GPAT4: variants seen among roughly 807,000 people sequenced by gnomAD.
GPAT4 encodes the protein glycerol-3-phosphate acyltransferase 4, also known as 1-AGP acyltransferase 6.
Under a neutral mutation model 58.0 loss-of-function variants are expected in GPAT4, and 17 were observed. That is an observed-to-expected ratio of 0.29 (90% confidence interval 0.20 to 0.44). The LOEUF is 0.44. GPAT4 is among the 20% of genes least tolerant of loss of function. The pLI is 1.00. For missense variants in GPAT4, 377 were observed against 574.5 expected, an observed-to-expected ratio of 0.66 and a Z score of 3.51; for synonymous variants, 204 against 210.1, an observed-to-expected ratio of 0.97 and a Z score of 0.25.
intron 10 of GPAT4, among the ~76,000 whole-genome samples, chr8:41,615,730 A>C (rs1447325690): frequency 6.6e-6 from 1 of 152,178 alleles, no homozygotes; most frequent in Admixed American, 6.5e-5. Flanking sequence ...GGCCATCCTC[A>C]GTGTGGTTAA....
intron 2 of GPAT4, among the ~76,000 whole-genome samples, chr8:41,602,107 A>G (rs1019310304): frequency 1.3e-5 from 2 of 152,178 alleles, no homozygotes; most frequent in Non-Finnish European, 2.9e-5. Flanking sequence ...GGCGCGTGCC[A>G]TCACACCCGG....
intron 2 of GPAT4, among the ~76,000 whole-genome samples, chr8:41,602,504 A>G (rs11985557): frequency 6.6e-6 from 1 of 151,700 alleles, no homozygotes; most frequent in Non-Finnish European, 1.5e-5. Flanking sequence ...GTGCTCCGGA[A>G]GAGTGCTGGT....
rs1803387443 is a variant in GPAT4 at position 41,609,755 on chromosome 8, C to G, written c.336C>G (p.Leu112=). 6.2e-7 allele frequency: 1 copy of G among 1,613,986 alleles called. No individual in the cohort carries two copies. The highest frequency in any genetic ancestry group is 8.5e-7 in the Non-Finnish European group (1 of 1,180,052). Residue 112 remains leucine, a synonymous_variant, in exon 4 of 13, where the codon CTC becomes CTG. Coordinates refer to ENST00000396987, the MANE Select transcript of GPAT4 (RefSeq NM_178819.4). ...KALDNTPEFE[L]SDIFYFCRKG... ...TGGACAACACTCCAGAGTTCGAGCTCTCTGACATTTTCTACTTTTGCCGGA... is the reference window on the plus strand; with the variant it reads ...TGGACAACACTCCAGAGTTCGAGCTGTCTGACATTTTCTACTTTTGCCGGA...
At chr8:41,612,379 C>T in intron 7 of GPAT4, 106 bp downstream of exon 7, 1 of 1,094,272 alleles carries the variant, frequency 9.1e-7, no homozygotes. Context: ...ATGCGTGGGC[C>T]AGGCCCCCAC....
chr8:41,590,279 G>T (rs1802756218), intron 1 of GPAT4, among the ~76,000 whole-genome samples: 2 of 152,194 alleles, frequency 1.3e-5, no homozygotes, highest in African/African-American at 4.8e-5. Context: ...TAGAGATGGG[G>T]TTTCACCATG....
At chr8:41,602,473 G>A (rs1018587804) in intron 2 of GPAT4, among the ~76,000 whole-genome samples, 6 of 152,130 alleles carry the variant, frequency 3.9e-5, no homozygotes, top group Non-Finnish European at 7.4e-5. Context: ...AAGGACTGGC[G>A]TATTCCTGCA....
At chr8:41,615,090 G>A in intron 10 of GPAT4, 42 bp downstream of exon 10, 1 of 1,540,796 alleles carries the variant, frequency 6.5e-7, no homozygotes. Flanking sequence ...TACTGGAGCT[G>A]CTGTGAGTGG....
At chr8:41,592,261 A>G (rs1802810122) in intron 1 of GPAT4, among the ~76,000 whole-genome samples, 1 of 152,144 alleles carries the variant, frequency 6.6e-6, no homozygotes, top group African/African-American at 2.4e-5. Context: ...CTATGCCCAC[A>G]TATCCAGTAT....
At chr8:41,620,624 C>G (rs1212784911) in intron 12 of GPAT4, among the ~76,000 whole-genome samples, 1 of 152,126 alleles carries the variant, frequency 6.6e-6, no homozygotes, top group Non-Finnish European at 1.5e-5. Context: ...TTGTAAACTC[C>G]TTGGTAGGTT....
chr8:41,619,130 G>GC, intron 12 of GPAT4, 153 bp downstream of exon 12: 1 of 902,194 alleles, frequency 1.1e-6, no homozygotes, highest in Non-Finnish European at 1.7e-6. Flanking sequence ...ACCCAGAAGT[G>GC]CCCTGTGCTT....
At chr8:41,583,815 T>G (rs1198441868) in intron 1 of GPAT4, among the ~76,000 whole-genome samples, 1 of 152,260 alleles carries the variant, frequency 6.6e-6, no homozygotes, top group Non-Finnish European at 1.5e-5. Context: ...TTTAGTGATT[T>G]TCTTTGCACA....
chr8:41,589,553 T>C (rs1049999596), intron 1 of GPAT4, among the ~76,000 whole-genome samples: 2 of 151,748 alleles, frequency 1.3e-5, no homozygotes, highest in Admixed American at 6.6e-5. Context: ...GTTTTTTGCA[T>C]CTGTTTAAAA....
intron 1 of GPAT4, among the ~76,000 whole-genome samples, chr8:41,596,846 T>C (rs1802947562): frequency 6.6e-6 from 1 of 152,176 alleles, no homozygotes; most frequent in African/African-American, 2.4e-5. Context: ...GGAGCATCAG[T>C]GGACTCACGT....
In GPAT4 at chr8:41,598,557, C is replaced by G. The variant is rs556190223; in HGVS notation, c.-583C>G. The G allele has an allele frequency of 1.3e-5, 2 of 152,282 alleles. No homozygotes were observed. The highest frequency in any genetic ancestry group is 2.9e-5 in the Non-Finnish European group (2 of 68,106). The allele number at this position is 152,282 out of a possible 1,614,324, so 9.4% of individuals were successfully genotyped here. A position where few individuals can be genotyped will look rare whatever the true frequency, so the allele number is the denominator to read the frequency against. On this transcript the variant is annotated 5_prime_UTR_variant, in exon 2 of 13. Coordinates refer to ENST00000396987, the MANE Select transcript of GPAT4 (RefSeq NM_178819.4). ...CCAGATATGAACTCTCTACCATGAA[C>G]ATGGTTCTCGGCTTATGAAGGAATT...
rs1454322847 is a variant in GPAT4, at chr8:41,624,033, C to T, written c.*3032C>T. The stretch of plus-strand genomic sequence containing the variant: ...TTTGTATTTAGTAGAGACTGGGTTT[C>T]ACCATGTTGGTCAGGCTGGTCTCCA... On this transcript the variant is annotated 3_prime_UTR_variant, in exon 13 of 13. Transcript: ENST00000396987. 1 of 152,288 alleles carries T rather than the reference C, an allele frequency of 6.6e-6. No individual in the cohort carries two copies. The highest frequency in any genetic ancestry group is 1.5e-5 in the Non-Finnish European group (1 of 68,086). 9.4% of individuals were successfully genotyped at this position (152,288 alleles called of 1,614,324 possible).
At chr8:41,611,272 C>T (rs566521143) in intron 5 of GPAT4, among the ~76,000 whole-genome samples, 2 of 152,158 alleles carry the variant, frequency 1.3e-5, no homozygotes, top group Non-Finnish European at 2.9e-5. Flanking sequence ...GCAGTAAAGT[C>T]TTTACTTTTT....
rs967952504 is a variant in GPAT4, at chr8:41,610,013, C to T, written c.536+58C>T. On this transcript the variant is annotated intron_variant, in intron 4 of 12. Coordinates refer to ENST00000396987, the MANE Select transcript of GPAT4 (RefSeq NM_178819.4). ...GCTGCCACCCCACGTGGTGCACAGC[C>T]CACCTGCCTGCTCTGCTGTGTATTC... The T allele has an allele frequency of 2.6e-6, 4 of 1,541,694 alleles. No homozygotes were observed. In the East Asian group the frequency reaches 9.0e-5, roughly 35 times the overall value.
intron 1 of GPAT4, among the ~76,000 whole-genome samples, chr8:41,596,632 C>T (rs575139231): frequency 6.6e-6 from 1 of 152,348 alleles, no homozygotes; most frequent in South Asian, 2.1e-4. Flanking sequence ...CCCAGGAGCG[C>T]TCTTTGGATC....
In GPAT4 at chr8:41,598,317, T is replaced by G. The variant is rs1249917028; in HGVS notation, c.-823T>G. 1 of 152,266 alleles carries G rather than the reference T, an allele frequency of 6.6e-6. No individual in the cohort carries two copies. The highest frequency in any genetic ancestry group is 2.4e-5 in the African/African-American group (1 of 41,454). 9.4% of individuals were successfully genotyped at this position (152,266 alleles called of 1,614,324 possible). ...CTTTGGCAGCATGTAAGCAGCTGTT[T>G]GCCAAGAACCCAGGTCACTGCTAAG... On this transcript the variant is annotated 5_prime_UTR_variant, in exon 2 of 13. Transcript: ENST00000396987.
Sources: gnomAD v4.1 joint callset for allele counts (sites outside exome capture counted in the v4.1 genomes callset) on GRCh38, gnomAD v4.1.1 for gene constraint, MANE v1.5 for transcripts, NCBI Gene and HGNC (gene_info 2026-07-23, HGNC 2026-07-21) for gene names.